UBE2H: variants seen among roughly 807,000 people sequenced by gnomAD.
UBE2H encodes ubiquitin-conjugating enzyme E2 H.
Under a neutral mutation model 29.0 loss-of-function variants are expected in UBE2H, and 3 were observed. That is an observed-to-expected ratio of 0.10 (90% CI 0.05 to 0.27). UBE2H has a LOEUF of 0.27. Ranked by LOEUF, UBE2H falls within the 10% of genes least tolerant of loss-of-function variation. The pLI is 1.00. For synonymous variants in UBE2H, 69 were observed against 82.9 expected, an observed-to-expected ratio of 0.83 and a Z score of 0.91; for missense variants, 68 against 228.2, an observed-to-expected ratio of 0.30 and a Z score of 4.52.
At chr7:129,939,054 G>C (rs868597889) in intron 1 of UBE2H, among the ~76,000 whole-genome samples, 3 of 152,072 alleles carry the variant, frequency 2.0e-5, no homozygotes, top group Admixed American at 6.6e-5. Flanking sequence ...CCGCCTTGGC[G>C]TCCCAAAGTG....
chr7:129,838,624 C>T (rs1273004866), intron 6 of UBE2H, among the ~76,000 whole-genome samples: 1 of 151,958 alleles, frequency 6.6e-6, no homozygotes, highest in Non-Finnish European at 1.5e-5. Context: ...ATCCAATGAA[C>T]CCAGGTGGAG....
intron 3 of UBE2H, among the ~76,000 whole-genome samples, chr7:129,878,518 C>T (rs1806190912): frequency 6.6e-6 from 1 of 151,914 alleles, no homozygotes; most frequent in South Asian, 2.1e-4. Context: ...CCCGTCTCTA[C>T]TAAAAATACA....
At chr7:129,869,829 A>G (rs780556578) in intron 3 of UBE2H, among the ~76,000 whole-genome samples, 16 of 152,154 alleles carry the variant, frequency 1.1e-4, no homozygotes, top group Admixed American at 2.6e-4. Flanking sequence ...TAAGTAAACA[A>G]ATATATACCA....
At chr7:129,906,144 T>C (rs1584778110) in intron 1 of UBE2H, among the ~76,000 whole-genome samples, 1 of 151,850 alleles carries the variant, frequency 6.6e-6, no homozygotes, top group East Asian at 1.9e-4. Flanking sequence ...CACTCAAGAA[T>C]AGGGTACTAA....
At chr7:129,946,048 G>C (rs969792985) in intron 1 of UBE2H, among the ~76,000 whole-genome samples, 5 of 114,980 alleles carry the variant, frequency 4.3e-5, no homozygotes, top group African/African-American at 6.3e-5. Flanking sequence ...GCCCAGCCTA[G>C]TCATTATTAT....
intron 3 of UBE2H, among the ~76,000 whole-genome samples, chr7:129,867,726 A>AAC (rs1563027588): frequency 9.4e-6 from 1 of 106,024 alleles, no homozygotes; most frequent in Non-Finnish European, 2.1e-5. Context: ...AAGAAAACCA[A>AAC]AAAAAAAAAA....
intron 2 of UBE2H, 62 bp downstream of exon 2, chr7:129,880,833 T>G (rs756203782): frequency 2.1e-6 from 3 of 1,460,990 alleles, no homozygotes; most frequent in Admixed American, 2.0e-5. Context: ...GTCTTTGATA[T>G]TCTATTAAGA....
intron 1 of UBE2H, among the ~76,000 whole-genome samples, chr7:129,933,785 T>G (rs1039775094): frequency 1.3e-5 from 2 of 152,202 alleles, no homozygotes; most frequent in Non-Finnish European, 2.9e-5. Flanking sequence ...ATATAATTTA[T>G]TCTAATCCGT....
chr7:129,848,555 T>C (rs1805552805), intron 5 of UBE2H, among the ~76,000 whole-genome samples: 1 of 152,212 alleles, frequency 6.6e-6, no homozygotes, highest in African/African-American at 2.4e-5. Flanking sequence ...GTGACTTACA[T>C]AGATCTCTTT....
chr7:129,927,799 T>G (rs1181854128), intron 1 of UBE2H, among the ~76,000 whole-genome samples: 1 of 152,224 alleles, frequency 6.6e-6, no homozygotes, highest in African/African-American at 2.4e-5. Flanking sequence ...TAGTGGTTAC[T>G]AGAGTCTGGT....
intron 1 of UBE2H, among the ~76,000 whole-genome samples, chr7:129,929,700 GTCTGGTT>G (rs1232912770): frequency 6.6e-5 from 10 of 152,166 alleles, no homozygotes; most frequent in African/African-American, 2.2e-4. Flanking sequence ...ATTCTATCCA[GTCTGGTT>G]CAAATATTAT....
intron 1 of UBE2H, among the ~76,000 whole-genome samples, chr7:129,926,493 A>G (rs1229958318): frequency 1.3e-5 from 2 of 149,820 alleles, no homozygotes; most frequent in Non-Finnish European, 3.0e-5. Context: ...GGGCAACAAG[A>G]GCTAAACTCC....
At chr7:129,862,253 C>T (rs912158651) in intron 3 of UBE2H, among the ~76,000 whole-genome samples, 5 of 152,108 alleles carry the variant, frequency 3.3e-5, no homozygotes, top group African/African-American at 4.8e-5. Context: ...ATTAAAAATA[C>T]GTTCTTGATA....
intron 1 of UBE2H, among the ~76,000 whole-genome samples, chr7:129,915,643 A>C (rs184096425): frequency 6.6e-6 from 1 of 152,356 alleles, no homozygotes; most frequent in East Asian, 1.9e-4. Context: ...TCAGAGCACT[A>C]GGAAGAAACA....
intron 3 of UBE2H, among the ~76,000 whole-genome samples, chr7:129,875,325 A>G (rs965790748): frequency 1.5e-4 from 23 of 152,324 alleles, no homozygotes; most frequent in African/African-American, 5.1e-4. Context: ...AGAGGTGTTA[A>G]AACATGACTA....
chr7:129,850,419 T>C (rs759601083), intron 5 of UBE2H, among the ~76,000 whole-genome samples: 3 of 152,164 alleles, frequency 2.0e-5, no homozygotes, highest in Admixed American at 6.5e-5. Flanking sequence ...GTTTGCAACA[T>C]ACATGATAAA....
chr7:129,910,373 G>A (rs1806908123), intron 1 of UBE2H, among the ~76,000 whole-genome samples: 1 of 151,172 alleles, frequency 6.6e-6, no homozygotes, highest in African/African-American at 2.4e-5. Flanking sequence ...AAGAGAAAGG[G>A]ACTCTGTAGA....
intron 6 of UBE2H, among the ~76,000 whole-genome samples, chr7:129,838,074 C>T (rs1280545428): frequency 6.6e-6 from 1 of 152,208 alleles, no homozygotes; most frequent in African/African-American, 2.4e-5. Flanking sequence ...CTCATAACAG[C>T]ACTTTATCTG....
chr7:129,868,938 T>C (rs1353683674), intron 3 of UBE2H, among the ~76,000 whole-genome samples: 5,635 of 109,512 alleles, frequency 0.051, 330 homozygotes, highest in African/African-American at 0.17. Flanking sequence ...TCTCTCTCTT[T>C]TTTTTTTTTT....
Sources: allele counts gnomAD v4.1 joint callset (sites outside exome capture counted in the v4.1 genomes callset), GRCh38; gene constraint gnomAD v4.1.1; transcripts MANE v1.5; gene names NCBI Gene and HGNC (gene_info 2026-07-23, HGNC 2026-07-21).